PROCR: variants seen among roughly 807,000 people sequenced by gnomAD.
PROCR encodes endothelial protein C receptor.
In PROCR, 22 loss-of-function variants were observed where a neutral mutation model predicts 24.2. The ratio of observed to expected loss-of-function variants is 0.91; its 90% CI spans 0.65 to 1.30. PROCR has a LOEUF of 1.30. PROCR is among the 50% of genes most tolerant of loss of function. The probability of loss-of-function intolerance (pLI) is 0.00; values close to 1 mark genes in which losing one functional copy is unlikely to be tolerated. For missense variants in PROCR, 288 were observed against 307.7 expected (o/e 0.94, Z 0.48); for synonymous variants, 137 against 139.2 (o/e 0.98, Z 0.11).
chr20:35,179,147 G>A (rs543844287), downstream of PROCR, among the ~76,000 whole-genome samples: 26 of 147,422 alleles, frequency 1.8e-4, no homozygotes, highest in Non-Finnish European at 3.4e-4. Flanking sequence ...GCAGGAGAAT[G>A]GCATGAATCC....
At chr20:35,176,026 T>A (rs2086012223) in intron 2 of PROCR, 142 bp from the exon 3 acceptor site, 1 of 951,588 alleles carries the variant, frequency 1.1e-6, no homozygotes, top group African/African-American at 1.6e-5. Context: ...CAGGCCCTTC[T>A]CCCCATAGTT....
chr20:35,171,940 G>A, upstream of PROCR: 2 of 621,526 alleles, frequency 3.2e-6, no homozygotes, highest in Non-Finnish European at 2.9e-6. Flanking sequence ...AGGGAGGGCA[G>A]GAGGGAGGCC....
chr20:35,215,411 A>G (rs2060378393), intron 1 of PROCR, among the ~76,000 whole-genome samples: 1 of 151,904 alleles, frequency 6.6e-6, no homozygotes, highest in Non-Finnish European at 1.5e-5. Context: ...CCCCAGCCAG[A>G]GTGACCTCAC....
In PROCR at chr20:35,210,655, C is replaced by CTGT. The variant is rs1255426760; in HGVS notation, c.95-5238_95-5237insTGT. 2.0e-5 allele frequency among the ~76,000 whole-genome samples: 3 copies of CTGT among 151,910 alleles called. No homozygotes were observed. The East Asian group carries it at 5.8e-4, about 29-fold the overall frequency. On this transcript the variant is annotated intron_variant, in intron 1 of 1. Transcript: ENST00000634509. ...AGTTCTGAACTTTTTTTTAATTGCC[C>CTGT]CGTGCAATGTATCATTCAGGGTGGG...
intron 1 of PROCR, among the ~76,000 whole-genome samples, chr20:35,203,792 C>T (rs568862469): frequency 1.9e-4 from 29 of 151,940 alleles, no homozygotes; most frequent in East Asian, 1.9e-4. Context: ...GCTAATGCAG[C>T]GTGTACAGGA....
At chr20:35,189,042 T>C (rs534544914) in intron 1 of PROCR, among the ~76,000 whole-genome samples, 1 of 152,332 alleles carries the variant, frequency 6.6e-6, no homozygotes, top group South Asian at 2.1e-4. Context: ...TCATAAAGCA[T>C]GTGTGTTTGA....
At chr20:35,213,038 G>C (rs1050306464) in intron 1 of PROCR, among the ~76,000 whole-genome samples, 1 of 152,056 alleles carries the variant, frequency 6.6e-6, no homozygotes, top group Non-Finnish European at 1.5e-5. Context: ...ATTATTATAG[G>C]AGTCTGTTCA....
chr20:35,205,426 C>T (rs1308422464), intron 1 of PROCR, among the ~76,000 whole-genome samples: 7 of 148,046 alleles, frequency 4.7e-5, no homozygotes, highest in Admixed American at 2.8e-4. Flanking sequence ...TCTCAGCAAA[C>T]TAGAGAAGGA....
At position 35,177,175 on chromosome 20, in the gene PROCR, C is replaced by T. The variant is rs115542162; in HGVS notation, c.*362C>T. On this transcript the variant is annotated 3_prime_UTR_variant, in exon 4 of 4. Transcript: ENST00000216968. ...CGTTCAAAAGATATAACCAAATAAA[C>T]AAGTCATCCACAATCAAAATACAAC... is the stretch of plus-strand genomic sequence containing the variant. 1,973 of 1,135,328 alleles carry T rather than the reference C, an allele frequency of 1.7e-3. 19 individuals are homozygous for T. In the African/African-American group the frequency reaches 0.029, roughly 17 times the overall value. 70.3% of individuals were successfully genotyped at this position (1,135,328 alleles called of 1,614,324 possible).
At chr20:35,202,108 A>G (rs998427631) in intron 1 of PROCR, 2 of 152,242 alleles carry the variant, frequency 1.3e-5, no homozygotes, top group African/African-American at 4.8e-5. Context: ...AACAGAATAC[A>G]TATTCTTTCC....
chr20:35,197,658 C>T (rs1388129379), intron 1 of PROCR, among the ~76,000 whole-genome samples: 2 of 151,548 alleles, frequency 1.3e-5, no homozygotes, highest in Non-Finnish European at 2.9e-5. Flanking sequence ...CCCATCTCTA[C>T]TAAAAATACA....
chr20:35,179,273 G>A (rs917164425), downstream of PROCR, among the ~76,000 whole-genome samples: 1 of 150,426 alleles, frequency 6.6e-6, no homozygotes, highest in African/African-American at 2.4e-5. Flanking sequence ...CGCAATGACT[G>A]GCTCACACCT....
Position 35,174,965 on chromosome 20 carries a change from C to A in PROCR, c.322+12C>A, listed in dbSNP as rs1038784485. 3.1e-6 allele frequency: 4 copies of A among 1,306,608 alleles called. No homozygotes were observed. The highest frequency in any genetic ancestry group is 4.0e-6 in the Non-Finnish European group (4 of 1,002,938). 80.9% of individuals were successfully genotyped at this position (1,306,608 alleles called of 1,614,324 possible). ...GCGGACCTTGGCCTGTGAGTAGGCG[C>A]GCAGCGGGGGCGGGGTCTGGGCGGG... On this transcript the variant is annotated intron_variant, in intron 2 of 3. Coordinates refer to ENST00000216968, the MANE Select transcript of PROCR (RefSeq NM_006404.5).
chr20:35,176,261 CCTTTGTGAG>C lies in PROCR; in HGVS notation c.417_425del (p.Val141_Phe143del). 6.2e-7 allele frequency: 1 copy of C among 1,614,194 alleles called. No homozygotes were observed. The highest frequency in any genetic ancestry group is 1.7e-5 in the Admixed American group (1 of 60,012). On this transcript the variant is annotated inframe_deletion, in exon 3 of 4. Transcript: ENST00000216968. ...TTCGAAGTGGCTGTGAATGGGAGCT[CCTTTGTGAG>C]TTTCCGGCCGGAGAGAGCCTTGTGG... is the stretch of plus-strand genomic sequence containing the variant.
chr20:35,189,069 G>A (rs2146161144), intron 1 of PROCR, among the ~76,000 whole-genome samples: 1 of 152,174 alleles, frequency 6.6e-6, no homozygotes, highest in East Asian at 1.9e-4. Context: ...TGAAATCTGG[G>A]CACCTTGAAA....
intron 1 of PROCR, among the ~76,000 whole-genome samples, chr20:35,186,455 A>G (rs1356960663): frequency 1.3e-5 from 2 of 151,234 alleles, no homozygotes; most frequent in Non-Finnish European, 2.9e-5. Flanking sequence ...AATCCCAGCT[A>G]CTCGGGAGGC....
intron 1 of PROCR, among the ~76,000 whole-genome samples, chr20:35,191,007 G>A (rs1323111097): frequency 6.6e-6 from 1 of 151,924 alleles, no homozygotes; most frequent in African/African-American, 2.4e-5. Flanking sequence ...CTACAGGCAC[G>A]TACCACCAGG....
chr20:35,204,508 C>T (rs1167724903), intron 1 of PROCR, among the ~76,000 whole-genome samples: 1 of 151,848 alleles, frequency 6.6e-6, no homozygotes, highest in Non-Finnish European at 1.5e-5. Context: ...GCAATCACAG[C>T]TCACTGCAGC....
chr20:35,201,194 A>T (rs1181876930), intron 1 of PROCR, among the ~76,000 whole-genome samples: 3 of 152,036 alleles, frequency 2.0e-5, no homozygotes, highest in Admixed American at 2.0e-4. Flanking sequence ...CAAAAGATAT[A>T]GACAACCAAT....
Sources: allele counts gnomAD v4.1 joint callset (sites outside exome capture counted in the v4.1 genomes callset), GRCh38; gene constraint gnomAD v4.1.1; transcripts MANE v1.5; gene names NCBI Gene and HGNC (gene_info 2026-07-23, HGNC 2026-07-21).